Variants in MLIP observed in about 807,000 individuals in gnomAD.
MLIP encodes muscular LMNA interacting protein.
In MLIP, 79 loss-of-function variants were observed where a neutral mutation model predicts 84.8. That is an observed-to-expected ratio of 0.93 (90% CI 0.78 to 1.12). The LOEUF (loss-of-function observed/expected upper bound fraction) is 1.12, where lower values mean the gene tolerates loss of function less well. Among genes scored for constraint, MLIP ranks in the 50% most tolerant of loss-of-function variants. MLIP has a pLI of 0.00. For synonymous variants in MLIP, 504 were observed against 463.0 expected, an observed-to-expected ratio of 1.09 and a Z score of -1.14; for missense variants, 1,257 against 1,160.6, an observed-to-expected ratio of 1.08 and a Z score of -1.21.
In MLIP at chr6:54,137,467, C is replaced by G. The variant is rs751848771; in HGVS notation, c.1398C>G (p.Leu466=). 13 of 1,535,958 alleles carry G rather than the reference C, an allele frequency of 8.5e-6. No individual in the cohort carries two copies. The highest frequency in any genetic ancestry group is 1.1e-5 in the Non-Finnish European group (13 of 1,146,896). Residue 466 remains leucine, a synonymous_variant, in exon 4 of 14, where the codon CTC becomes CTG. Transcript: ENST00000502396. ...CCCCACCCACGCCTAAAAAATCTCT[C>G]TCAAGTTGTTCCCTGAGAGCCGGGT... is the stretch of plus-strand genomic sequence containing the variant. ...KQTPPTPKKS[L]SSCSLRAGSP...
At chr6:54,036,584 C>A (rs560602551) in intron 1 of MLIP, among the ~76,000 whole-genome samples, 1 of 151,818 alleles carries the variant, frequency 6.6e-6, no homozygotes, top group South Asian at 2.1e-4. Context: ...AAAAGACCAA[C>A]GATAAGTGTT....
At chr6:54,084,048 A>G (rs753807983) in intron 1 of MLIP, among the ~76,000 whole-genome samples, 1 of 152,158 alleles carries the variant, frequency 6.6e-6, no homozygotes, top group Admixed American at 6.5e-5. Context: ...TGATCTTGAA[A>G]TAGGTTTCAA....
At chr6:54,120,241 T>A (rs561063771) in intron 1 of MLIP, among the ~76,000 whole-genome samples, 5 of 32,770 alleles carry the variant, frequency 1.5e-4, no homozygotes, top group South Asian at 4.5e-3. Context: ...CTTTTTTTTA[T>A]TTTTTTTTTT....
intron 11 of MLIP, among the ~76,000 whole-genome samples, chr6:54,207,743 C>T (rs1779137132): frequency 1.3e-5 from 2 of 152,154 alleles, no homozygotes; most frequent in African/African-American, 2.4e-5. Context: ...GAAAGTTTTA[C>T]GCAAATGTGT....
intron 12 of MLIP, among the ~76,000 whole-genome samples, chr6:54,247,372 A>T (rs1306037796): frequency 6.6e-6 from 1 of 152,174 alleles, no homozygotes; most frequent in African/African-American, 2.4e-5. Context: ...TTCTAGCAAG[A>T]ACATAGCTGG....
At chr6:54,044,843 T>C (rs928042622) in intron 1 of MLIP, among the ~76,000 whole-genome samples, 1 of 152,200 alleles carries the variant, frequency 6.6e-6, no homozygotes, top group African/African-American at 2.4e-5. Flanking sequence ...GAAAATTTTA[T>C]CTGAAGGTTT....
chr6:54,042,190 C>A (rs946300593), intron 1 of MLIP, among the ~76,000 whole-genome samples: 1 of 152,124 alleles, frequency 6.6e-6, no homozygotes, highest in Non-Finnish European at 1.5e-5. Flanking sequence ...CTTTTACTCA[C>A]AGCCTTTCTG....
chr6:54,156,259 A>G (rs1774020042), intron 5 of MLIP, among the ~76,000 whole-genome samples: 1 of 152,082 alleles, frequency 6.6e-6, no homozygotes, highest in African/African-American at 2.4e-5. Context: ...TTTCAAGACT[A>G]TTTAAGTTCA....
chr6:54,152,920 C>A (rs996357473), intron 5 of MLIP, among the ~76,000 whole-genome samples: 1 of 151,920 alleles, frequency 6.6e-6, no homozygotes, highest in African/African-American at 2.4e-5. Flanking sequence ...TATTGTCTTA[C>A]CAATGATTAA....
intron 1 of MLIP, among the ~76,000 whole-genome samples, chr6:54,069,028 T>C (rs1766345962): frequency 3.9e-5 from 4 of 101,528 alleles, no homozygotes; most frequent in African/African-American, 7.6e-5. Context: ...ACAGATGTGC[T>C]CTACATTCAT....
intron 1 of MLIP, among the ~76,000 whole-genome samples, chr6:54,025,004 A>ATTTTT (rs79753738): frequency 7.1e-6 from 1 of 140,010 alleles, no homozygotes; most frequent in Non-Finnish European, 1.5e-5. Context: ...TGCCCAGCTA[A>ATTTTT]TTTTTTTTTT....
intron 11 of MLIP, among the ~76,000 whole-genome samples, chr6:54,220,511 T>A (rs1404798859): frequency 6.6e-6 from 1 of 152,160 alleles, no homozygotes; most frequent in Admixed American, 6.5e-5. Flanking sequence ...TGAACTGAAA[T>A]TTATTCCTTT....
At chr6:54,170,620 G>C (rs1168207067) in intron 9 of MLIP, among the ~76,000 whole-genome samples, 2 of 151,506 alleles carry the variant, frequency 1.3e-5, no homozygotes, top group Admixed American at 6.6e-5. Context: ...TTAGATAACT[G>C]TCTGATTCTG....
intron 13 of MLIP, among the ~76,000 whole-genome samples, chr6:54,260,884 A>AGTG (rs1783339515): frequency 6.6e-6 from 1 of 151,940 alleles, no homozygotes; most frequent in Non-Finnish European, 1.5e-5. Flanking sequence ...GGCTTAGGGC[A>AGTG]TTCCAAACAG....
At chr6:54,185,028 T>C (rs188769229) in intron 9 of MLIP, among the ~76,000 whole-genome samples, 1 of 152,358 alleles carries the variant, frequency 6.6e-6, no homozygotes, top group East Asian at 1.9e-4. Flanking sequence ...TTTATTCAGG[T>C]GATGCAGGTG....
chr6:54,215,156 A>C (rs1440190168), intron 11 of MLIP: 1 of 1,535,322 alleles, frequency 6.5e-7, no homozygotes, highest in African/African-American at 1.4e-5. Context: ...CATTCTGTGG[A>C]CTCCTACTGC....
intron 1 of MLIP, among the ~76,000 whole-genome samples, chr6:54,101,270 A>C (rs1334660988): frequency 6.6e-6 from 1 of 152,088 alleles, no homozygotes; most frequent in Non-Finnish European, 1.5e-5. Context: ...AGTGTAAGTA[A>C]ACATGGTAAT....
chr6:54,181,146 G>A (rs963066536), intron 9 of MLIP, among the ~76,000 whole-genome samples: 7 of 152,158 alleles, frequency 4.6e-5, no homozygotes, highest in Non-Finnish European at 1.5e-5. Flanking sequence ...CTGGGAGACA[G>A]GGTTTAGAGT....
At chr6:54,145,624 A>T (rs199998915) in intron 4 of MLIP, among the ~76,000 whole-genome samples, 10,743 of 152,044 alleles carry the variant, frequency 0.071, 541 homozygotes, top group East Asian at 0.23. Flanking sequence ...AAATAAAAAA[A>T]AATTAGCTGG....
Sources: allele counts gnomAD v4.1 joint callset (sites outside exome capture counted in the v4.1 genomes callset), GRCh38; gene constraint gnomAD v4.1.1; transcripts MANE v1.5; gene names NCBI Gene and HGNC (gene_info 2026-07-23, HGNC 2026-07-21).